The following JAM3 variants were observed in gnomAD, a reference collection of about 807,000 sequenced individuals.
JAM3 encodes junctional adhesion molecule C.
Under a neutral mutation model 39.4 loss-of-function variants are expected in JAM3, and 31 were observed. The ratio of observed to expected loss-of-function variants is 0.79; its 90% confidence interval spans 0.59 to 1.06. The LOEUF (loss-of-function observed/expected upper bound fraction) is 1.06, where lower values mean the gene tolerates loss of function less well. Among genes scored for constraint, JAM3 ranks in the 50% least tolerant of loss-of-function variants. JAM3 has a pLI of 0.00. For synonymous variants in JAM3, 182 were observed against 148.7 expected, an observed-to-expected ratio of 1.22 and a Z score of -1.63; for missense variants, 455 against 391.4, an observed-to-expected ratio of 1.16 and a Z score of -1.37.
At chr11:134,093,861 A>G (rs1280813168) in intron 1 of JAM3, among the ~76,000 whole-genome samples, 1 of 106,906 alleles carries the variant, frequency 9.4e-6, no homozygotes, top group Non-Finnish European at 1.8e-5. Context: ...TCACTTCCTG[A>G]GGGAAGCTTC....
At chr11:134,121,809 G>A (rs558521123) in intron 1 of JAM3, among the ~76,000 whole-genome samples, 4 of 143,496 alleles carry the variant, frequency 2.8e-5, no homozygotes, top group South Asian at 4.4e-4. Flanking sequence ...TGGACACTGC[G>A]TGCATGTGTG....
chr11:134,149,312 C>A lies in JAM3; in HGVS notation c.*131C>A. The A allele has an allele frequency of 1.0e-6, 1 of 992,830 alleles. No individual in the cohort carries two copies. The highest frequency in any genetic ancestry group is 1.5e-6 in the Non-Finnish European group (1 of 645,596). 61.5% of individuals were successfully genotyped at this position (992,830 alleles called of 1,614,324 possible). On this transcript the variant is annotated 3_prime_UTR_variant, in exon 9 of 9. Coordinates refer to ENST00000299106, the MANE Select transcript of JAM3 (RefSeq NM_032801.5). ...TCATTCAGAAGCTTTTCGTTTTGGC[C>A]AAAGTTGACCACTACTCTTCTTACT...
At chr11:134,073,748 T>C (rs1941519598) in intron 1 of JAM3, among the ~76,000 whole-genome samples, 1 of 152,224 alleles carries the variant, frequency 6.6e-6, no homozygotes, top group African/African-American at 2.4e-5. Flanking sequence ...TAATAAACAT[T>C]TTGTTGGTAA....
rs897353710 is a variant in JAM3, at chr11:134,149,579, C to A, written c.*398C>A. On this transcript the variant is annotated 3_prime_UTR_variant, in exon 9 of 9. Coordinates refer to ENST00000299106, the MANE Select transcript of JAM3 (RefSeq NM_032801.5). Reference sequence around the variant, plus strand: ...GCCACGACAGCACCATGTGAGATGGCGAGGTGGCTGGACAGCACCAGCAGC... The same window carrying A: ...GCCACGACAGCACCATGTGAGATGGAGAGGTGGCTGGACAGCACCAGCAGC... The A allele has an allele frequency of 3.6e-5, 17 of 473,534 alleles. No individual in the cohort carries two copies. The highest frequency in any genetic ancestry group is 7.1e-5 in the Non-Finnish European group (17 of 238,880). 29.3% of individuals were successfully genotyped at this position (473,534 alleles called of 1,614,324 possible).
At position 134,138,344 on chromosome 11, in the gene JAM3, G is replaced by A. The variant is rs515789; in HGVS notation, c.77-1507G>A. Among the ~76,000 whole-genome samples the A allele has an allele frequency of 1.5e-3, 201 of 135,380 alleles. 8 individuals carry two copies. The highest frequency in any genetic ancestry group is 5.0e-3 in the African/African-American group (171 of 34,124). 88.8% of individuals were successfully genotyped at this position (135,380 alleles called of 152,430 possible). ...GTCTGGTCGAAGTCGTGGTGCTCAT[G>A]CTGAGAGAAATGTTTATGGCCACTA... On this transcript the variant is annotated intron_variant, in intron 1 of 8. Transcript: ENST00000299106.
intron 1 of JAM3, among the ~76,000 whole-genome samples, chr11:134,091,063 A>G (rs940872832): frequency 1.7e-4 from 26 of 152,144 alleles, no homozygotes; most frequent in South Asian, 4.1e-4. Flanking sequence ...TTGGGCATCA[A>G]TAGTGTCAGT....
At chr11:134,069,614 G>A (rs1435762051) in intron 1 of JAM3, among the ~76,000 whole-genome samples, 3 of 152,088 alleles carry the variant, frequency 2.0e-5, no homozygotes, top group Non-Finnish European at 4.4e-5. Context: ...CTCGTCCCCG[G>A]GGTGGACCCC....
At chr11:134,115,180 G>T (rs960363225) in intron 1 of JAM3, among the ~76,000 whole-genome samples, 1 of 152,028 alleles carries the variant, frequency 6.6e-6, no homozygotes, top group Non-Finnish European at 1.5e-5. Flanking sequence ...AATATACTTT[G>T]ATACTAATAT....
chr11:134,145,805 G>GT lies in JAM3; in HGVS notation c.613-140dup, dbSNP rs549975330. 3.0e-4 allele frequency: 214 copies of GT among 715,614 alleles called. No individual in the cohort carries two copies. In the African/African-American group the frequency reaches 3.3e-3, roughly 11 times the overall value. 44.3% of individuals were successfully genotyped at this position (715,614 alleles called of 1,614,324 possible). ...CTGTCAGGCAGGTATCAGGGAGTGG[G>GT]TCAGGGAGGAACATGCACAGTGCTG... On this transcript the variant is annotated intron_variant, in intron 5 of 8. Transcript: ENST00000299106.
intron 1 of JAM3, among the ~76,000 whole-genome samples, chr11:134,079,675 C>T (rs922360643): frequency 6.6e-6 from 1 of 152,224 alleles, no homozygotes; most frequent in Admixed American, 6.5e-5. Context: ...CCCCACCTCT[C>T]TCACACTACC....
intron 1 of JAM3, among the ~76,000 whole-genome samples, chr11:134,133,688 G>A (rs1036855008): frequency 6.6e-6 from 1 of 152,144 alleles, no homozygotes; most frequent in Non-Finnish European, 1.5e-5. Context: ...TGGGGACTGA[G>A]ACACAGTGGT....
intron 1 of JAM3, among the ~76,000 whole-genome samples, chr11:134,089,928 G>A (rs1284504107): frequency 2.6e-5 from 4 of 152,222 alleles, no homozygotes; most frequent in African/African-American, 9.6e-5. Context: ...CCCACCAACA[G>A]TGTAAAAATG....
intron 3 of JAM3, among the ~76,000 whole-genome samples, chr11:134,143,910 T>C (rs1341347953): frequency 6.6e-6 from 1 of 152,336 alleles, no homozygotes; most frequent in African/African-American, 2.4e-5. Flanking sequence ...GAAACATTGG[T>C]TGTTTTTCTA....
intron 1 of JAM3, among the ~76,000 whole-genome samples, chr11:134,136,459 A>G (rs2120838709): frequency 6.6e-6 from 1 of 152,318 alleles, no homozygotes; most frequent in East Asian, 1.9e-4. Flanking sequence ...TACAGTTACT[A>G]CTACATTTTA....
intron 1 of JAM3, among the ~76,000 whole-genome samples, chr11:134,132,343 A>T (rs914362028): frequency 3.3e-5 from 5 of 152,218 alleles, no homozygotes; most frequent in African/African-American, 1.2e-4. Flanking sequence ...TCCTTCAACT[A>T]TGAAGCAGAA....
rs1943029962 is a variant in JAM3 at position 134,144,315 on chromosome 11, G to A, written c.331G>A (p.Ala111Thr). ...KIWNVTRRDS[A>T]LYRCEVVARN... is the part of the protein sequence containing the mutation. The stretch of plus-strand genomic sequence containing the variant: ...CTGGAATGTGACACGGAGAGACTCA[G>A]CCCTTTATCGCTGTGAGGTCGTTGC... Residue 111 changes from alanine (A) to threonine (T), a missense_variant, in exon 4 of 9, where the codon GCC (alanine) becomes ACC (threonine). Ala to Thr is a moderately conservative substitution (Grantham distance 58, BLOSUM62 0). Transcript: ENST00000299106. 1 of 1,614,120 alleles carries A rather than the reference G, an allele frequency of 6.2e-7. No individual in the cohort carries two copies. The highest frequency in any genetic ancestry group is 1.7e-5 in the Admixed American group (1 of 60,016).
intron 6 of JAM3, among the ~76,000 whole-genome samples, chr11:134,146,866 C>T (rs908918600): frequency 6.6e-6 from 1 of 152,170 alleles, no homozygotes; most frequent in Admixed American, 6.5e-5. Flanking sequence ...TGTGCCCAGC[C>T]AGGAGCATTT....
chr11:134,074,987 CTTTTT>C (rs57613157), intron 1 of JAM3, among the ~76,000 whole-genome samples: 1,441 of 124,456 alleles, frequency 0.012, 23 homozygotes, highest in African/African-American at 0.037. Flanking sequence ...AAGACAGCTG[CTTTTT>C]TTTTTTTTTT....
At chr11:134,139,996 C>A in intron 2 of JAM3, 80 bp downstream of exon 2, 1 of 1,115,620 alleles carries the variant, frequency 9.0e-7, no homozygotes, top group East Asian at 2.4e-5. Flanking sequence ...CAGGACACAT[C>A]TGTCTCTGTA....
Sources: allele counts gnomAD v4.1 joint callset (sites outside exome capture counted in the v4.1 genomes callset), GRCh38; gene constraint gnomAD v4.1.1; transcripts MANE v1.5; gene names NCBI Gene and HGNC (gene_info 2026-07-23, HGNC 2026-07-21).